The following SKAP1 variants were observed in gnomAD, a reference collection of about 807,000 sequenced individuals.
The protein encoded by SKAP1 is src kinase associated phosphoprotein 1.
A neutral mutation model predicts 58.5 loss-of-function variants in SKAP1; 44 were observed. That is an observed-to-expected ratio of 0.75 (90% confidence interval 0.59 to 0.97). SKAP1 has a LOEUF of 0.97. SKAP1 is among the 50% of genes least tolerant of loss of function. The probability of loss-of-function intolerance (pLI) is 0.00; values close to 1 mark genes in which losing one functional copy is unlikely to be tolerated. For missense variants in SKAP1, 390 were observed against 435.2 expected, an observed-to-expected ratio of 0.90 and a Z score of 0.92; for synonymous variants, 127 against 149.7, an observed-to-expected ratio of 0.85 and a Z score of 1.11.
intron 3 of SKAP1, 58 bp downstream of exon 3, chr17:48,363,730 TA>T: frequency 6.9e-7 from 1 of 1,440,620 alleles, no homozygotes; most frequent in Non-Finnish European, 9.6e-7. Flanking sequence ...GAGACAGGAA[TA>T]AACAATCCCA....
intron 4 of SKAP1, among the ~76,000 whole-genome samples, chr17:48,288,692 C>A (rs2065864354): frequency 6.6e-6 from 1 of 151,988 alleles, no homozygotes; most frequent in Admixed American, 6.6e-5. Flanking sequence ...TCAAAAAAAA[C>A]CAAAGCAAAG....
chr17:48,359,362 T>C (rs2066910239), intron 3 of SKAP1, among the ~76,000 whole-genome samples: 1 of 152,148 alleles, frequency 6.6e-6, no homozygotes, highest in Admixed American at 6.5e-5. Flanking sequence ...AAATTAACCA[T>C]AATACCACTG....
intron 11 of SKAP1, among the ~76,000 whole-genome samples, chr17:48,146,436 T>C (rs1302836768): frequency 6.7e-6 from 1 of 148,506 alleles, no homozygotes; most frequent in African/African-American, 2.5e-5. Context: ...GAGGTTGCAG[T>C]GAGCCGAGAT....
rs145481687 is a variant in SKAP1 at position 48,379,211 on chromosome 17, C to T, written c.153-15397G>A. Among the ~76,000 whole-genome samples, 543 of 152,218 alleles carry T rather than the reference C, an allele frequency of 3.6e-3. 5 individuals carry two copies. The highest frequency in any genetic ancestry group is 0.012 in the African/African-American group (519 of 41,526). ...CAGTAAAAATATACTTCAAAAGACA[C>T]GACTGAATACACATTGCGGTGGCAA... On this transcript the variant is annotated intron_variant, in intron 2 of 12. Coordinates refer to ENST00000336915, the MANE Select transcript of SKAP1 (RefSeq NM_003726.4).
intron 4 of SKAP1, among the ~76,000 whole-genome samples, chr17:48,335,387 T>C (rs1406223147): frequency 1.3e-5 from 2 of 152,002 alleles, no homozygotes; most frequent in African/African-American, 4.8e-5. Context: ...TTGATTCTTG[T>C]CTAGAGATCA....
chr17:48,158,874 G>A (rs1268974479), intron 11 of SKAP1, among the ~76,000 whole-genome samples: 1 of 151,658 alleles, frequency 6.6e-6, no homozygotes, highest in Non-Finnish European at 1.5e-5. Context: ...GCAAAAGAAT[G>A]GCGTGAACCC....
intron 4 of SKAP1, among the ~76,000 whole-genome samples, chr17:48,247,457 T>C (rs998358208): frequency 3.3e-5 from 5 of 152,234 alleles, no homozygotes; most frequent in African/African-American, 9.6e-5. Flanking sequence ...CAATACAATT[T>C]GTTTCCTTCT....
At chr17:48,346,171 C>T (rs369506426) in intron 3 of SKAP1, among the ~76,000 whole-genome samples, 165 bp from the exon 4 acceptor site, 1 of 152,106 alleles carries the variant, frequency 6.6e-6, no homozygotes, top group Non-Finnish European at 1.5e-5. Context: ...ATATAGGAAA[C>T]AGTTAAATAG....
chr17:48,434,853 A>G (rs2067932602), upstream of SKAP1, among the ~76,000 whole-genome samples: 1 of 152,164 alleles, frequency 6.6e-6, no homozygotes, highest in Non-Finnish European at 1.5e-5. Flanking sequence ...CCTCCATCTA[A>G]ATAGTAATGT....
At chr17:48,202,142 A>G (rs1261981336) in intron 4 of SKAP1, among the ~76,000 whole-genome samples, 1 of 152,224 alleles carries the variant, frequency 6.6e-6, no homozygotes, top group African/African-American at 2.4e-5. Context: ...ATCAAATGAT[A>G]ATAATTTTGC....
At chr17:48,444,936 C>T in the SKAP1 span, among the ~76,000 whole-genome samples, 42 of 152,240 alleles carry the variant, frequency 2.8e-4, 2 homozygotes, top group South Asian at 8.7e-3. Context: ...GATTTGCACA[C>T]CTTGGGTCCT....
chr17:48,222,483 A>G (rs527340566), intron 4 of SKAP1, among the ~76,000 whole-genome samples: 14 of 152,062 alleles, frequency 9.2e-5, no homozygotes, highest in Non-Finnish European at 2.1e-4. Context: ...AGAATTATAT[A>G]TATATTTTTT....
In SKAP1 at chr17:48,219,430, A is replaced by C. The variant is rs551080234; in HGVS notation, c.281-29930T>G. Among the ~76,000 whole-genome samples the C allele has an allele frequency of 3.9e-5, 6 of 152,262 alleles. No individual in the cohort carries two copies. In the East Asian group the frequency reaches 1.2e-3, roughly 29 times the overall value. On this transcript the variant is annotated intron_variant, in intron 4 of 12. Transcript: ENST00000336915. ...ACCAGTTCTGCCTATTTCTAATATGACTGTTTATTGGTTAGTATTTTCAAA... is the reference window on the plus strand; with the variant it reads ...ACCAGTTCTGCCTATTTCTAATATGCCTGTTTATTGGTTAGTATTTTCAAA...
At chr17:48,178,705 C>T (rs991573101) in intron 9 of SKAP1, among the ~76,000 whole-genome samples, 1 of 152,134 alleles carries the variant, frequency 6.6e-6, no homozygotes, top group East Asian at 1.9e-4. Flanking sequence ...TTTTATTTTC[C>T]TTTGGTTGTA....
Position 48,193,294 on chromosome 17 carries a change from C to G in SKAP1, c.281-3794G>C, listed in dbSNP as rs147744248. 3.2e-3 allele frequency among the ~76,000 whole-genome samples: 488 copies of G among 152,260 alleles called. 4 individuals carry two copies. The highest frequency in any genetic ancestry group is 0.011 in the African/African-American group (471 of 41,546). ...CTGACCCCAGGGGATCCAGCCGCCT[C>G]GGCCTCCCAAAGTGCTGGGATTACA... On this transcript the variant is annotated intron_variant, in intron 4 of 12. Coordinates refer to ENST00000336915, the MANE Select transcript of SKAP1 (RefSeq NM_003726.4).
At chr17:48,332,707 A>T (rs2066521299) in intron 4 of SKAP1, among the ~76,000 whole-genome samples, 1 of 152,166 alleles carries the variant, frequency 6.6e-6, no homozygotes, top group African/African-American at 2.4e-5. Context: ...TTTCATGGAG[A>T]CATTTATGAG....
chr17:48,427,783 A>C (rs1164105179), intron 1 of SKAP1, among the ~76,000 whole-genome samples: 39 of 151,590 alleles, frequency 2.6e-4, no homozygotes, highest in Admixed American at 2.6e-3. Flanking sequence ...CATTGTGGAA[A>C]CCCCACCCCC....
intron 4 of SKAP1, among the ~76,000 whole-genome samples, chr17:48,198,410 G>C (rs1303030155): frequency 1.6e-5 from 2 of 126,544 alleles, no homozygotes; most frequent in Non-Finnish European, 3.1e-5. Flanking sequence ...AGCCGAGATG[G>C]CGCCACTGCA....
intron 3 of SKAP1, among the ~76,000 whole-genome samples, chr17:48,350,857 T>G (rs1402745056): frequency 6.6e-6 from 1 of 152,192 alleles, no homozygotes; most frequent in Non-Finnish European, 1.5e-5. Flanking sequence ...AACACATGAC[T>G]TCCTATTCTA....
Sources: gnomAD v4.1 joint callset for allele counts (sites outside exome capture counted in the v4.1 genomes callset) on GRCh38, gnomAD v4.1.1 for gene constraint, MANE v1.5 for transcripts, NCBI Gene and HGNC (gene_info 2026-07-23, HGNC 2026-07-21) for gene names.